The following PDE11A variants were observed in gnomAD, a reference collection of about 807,000 sequenced individuals.
PDE11A encodes the protein phosphodiesterase 11A.
Under a neutral mutation model 100.5 loss-of-function variants are expected in PDE11A, and 100 were observed. That is an observed-to-expected ratio of 1.00 (90% CI 0.85 to 1.18). The LOEUF is 1.18. PDE11A is among the 50% of genes most tolerant of loss of function. The pLI is 0.00. For synonymous variants in PDE11A, 381 were observed against 420.8 expected (o/e 0.91, Z 1.16); for missense variants, 1,141 against 1,152.6 (o/e 0.99, Z 0.15).
At position 177,913,022 on chromosome 2, in the gene PDE11A, C is replaced by T. The variant is rs192948077; in HGVS notation, c.1072-7835G>A. On this transcript the variant is annotated intron_variant, in intron 2 of 19. Coordinates refer to ENST00000286063, the MANE Select transcript of PDE11A (RefSeq NM_016953.4). The stretch of plus-strand genomic sequence containing the variant: ...ATCTTATTGGTAGTGGGTTCTAAAA[C>T]GGATTTATGGTGATGGTTGTACCTC... Among the ~76,000 whole-genome samples, 33 of 152,174 alleles carry T rather than the reference C, an allele frequency of 2.2e-4. No homozygotes were observed. The East Asian group carries it at 4.6e-3, about 21-fold the overall frequency.
At chr2:178,074,537 A>T (rs1054239424), upstream of PDE11A, among the ~76,000 whole-genome samples, 1 of 152,128 alleles carries the variant, frequency 6.6e-6, no homozygotes, top group South Asian at 2.1e-4. Flanking sequence ...AAGTAGACCA[A>T]CCCTGGGCTT....
intron 4 of PDE11A, among the ~76,000 whole-genome samples, chr2:177,896,602 T>C (rs368691522): frequency 9.9e-5 from 15 of 152,270 alleles, no homozygotes; most frequent in African/African-American, 3.6e-4. Context: ...GGCCCTGAAA[T>C]CTGCCAGGTA....
intron 19 of PDE11A, among the ~76,000 whole-genome samples, chr2:177,638,137 C>T (rs1004109366): frequency 2.6e-5 from 4 of 151,108 alleles, no homozygotes; most frequent in African/African-American, 9.7e-5. Context: ...GTAGCTGGAA[C>T]TACAGGTGCC....
At chr2:177,888,374 T>C (rs543667936) in intron 4 of PDE11A, among the ~76,000 whole-genome samples, 1 of 152,240 alleles carries the variant, frequency 6.6e-6, no homozygotes, top group Admixed American at 6.5e-5. Flanking sequence ...GAAGTGCCAC[T>C]ACAAAGTGGA....
chr2:177,742,338 T>G (rs1466063754), intron 10 of PDE11A, among the ~76,000 whole-genome samples: 1 of 152,164 alleles, frequency 6.6e-6, no homozygotes, highest in Non-Finnish European at 1.5e-5. Flanking sequence ...CCCATCTAGC[T>G]CTACGGAACC....
In PDE11A at chr2:177,776,969, TG is replaced by T. The variant is rs201839637; in HGVS notation, c.1738-7597del. ...CATGATAGTGAGTCCTCATGAGATC[TG>T]ATGGTTTTATAAGTGGCTTTTCCCC... On this transcript the variant is annotated intron_variant, in intron 9 of 19. Transcript: ENST00000286063. Among the ~76,000 whole-genome samples, 1,319 of 152,286 alleles carry T rather than the reference TG, an allele frequency of 8.7e-3. 16 individuals carry two copies. The highest frequency in any genetic ancestry group is 0.03 in the African/African-American group (1,238 of 41,554).
chr2:177,698,764 A>G (rs1479537681), intron 14 of PDE11A, among the ~76,000 whole-genome samples: 1 of 152,172 alleles, frequency 6.6e-6, no homozygotes, highest in African/African-American at 2.4e-5. Flanking sequence ...AGCTCTTCAG[A>G]CCCTTAATTC....
At chr2:177,887,195 G>GCAAA (rs372998999) in intron 4 of PDE11A, among the ~76,000 whole-genome samples, 6 of 152,224 alleles carry the variant, frequency 3.9e-5, no homozygotes, top group African/African-American at 1.4e-4. Context: ...AATGGCATAA[G>GCAAA]CAAACAAAAA....
chr2:177,660,979 G>A (rs1251591468), intron 19 of PDE11A, among the ~76,000 whole-genome samples: 1 of 152,120 alleles, frequency 6.6e-6, no homozygotes, highest in Non-Finnish European at 1.5e-5. Context: ...AGAGCCTCCA[G>A]CCGTGGGGTG....
intron 13 of PDE11A, among the ~76,000 whole-genome samples, chr2:177,710,433 G>A (rs1282866136): frequency 6.6e-6 from 1 of 152,192 alleles, no homozygotes; most frequent in East Asian, 1.9e-4. Flanking sequence ...AAGAGCAATG[G>A]GGAATGGGGC....
At chr2:177,979,131 C>G (rs933346174) in intron 2 of PDE11A, among the ~76,000 whole-genome samples, 2 of 147,996 alleles carry the variant, frequency 1.4e-5, no homozygotes, top group Admixed American at 6.7e-5. Context: ...TCCTTTTTAT[C>G]TTTAAAAGCT....
intron 19 of PDE11A, among the ~76,000 whole-genome samples, chr2:177,661,790 T>G (rs2080488485): frequency 6.6e-6 from 1 of 152,210 alleles, no homozygotes; most frequent in African/African-American, 2.4e-5. Context: ...TCCTTCCATA[T>G]TCCCTTTCAG....
At chr2:177,991,757 ATTC>A (rs2086008021) in intron 2 of PDE11A, among the ~76,000 whole-genome samples, 1 of 149,788 alleles carries the variant, frequency 6.7e-6, no homozygotes, top group African/African-American at 2.5e-5. Flanking sequence ...TCAGGATAGA[ATTC>A]TTCTAGATTT....
intron 7 of PDE11A, 129 bp downstream of exon 7, chr2:177,820,091 G>A (rs2083113021): frequency 1.6e-6 from 1 of 634,500 alleles, no homozygotes; most frequent in East Asian, 2.7e-5. Flanking sequence ...AATTATACGA[G>A]AGTGTGAGAC....
intron 5 of PDE11A, among the ~76,000 whole-genome samples, chr2:177,867,002 C>T (rs950714185): frequency 3.3e-5 from 5 of 152,144 alleles, no homozygotes; most frequent in Non-Finnish European, 5.9e-5. Flanking sequence ...TTTTGTTTTT[C>T]TTTCCTTAAA....
chr2:177,808,336 T>A lies in PDE11A; in HGVS notation c.1737+8493A>T, dbSNP rs532024516. Among the ~76,000 whole-genome samples, 211 of 152,306 alleles carry A rather than the reference T, an allele frequency of 1.4e-3. 1 individual carries two copies. The highest frequency in any genetic ancestry group is 4.8e-3 in the African/African-American group (201 of 41,578). ...AGATAGTTATCATTTGGACAATCACTAGATCATTGTCTGACAGTAACTTGG... is the reference window on the plus strand; with the variant it reads ...AGATAGTTATCATTTGGACAATCACAAGATCATTGTCTGACAGTAACTTGG... On this transcript the variant is annotated intron_variant, in intron 9 of 19. Transcript: ENST00000286063.
intron 9 of PDE11A, among the ~76,000 whole-genome samples, chr2:177,790,095 A>G (rs2082607004): frequency 6.6e-6 from 1 of 151,994 alleles, no homozygotes; most frequent in East Asian, 1.9e-4. Context: ...GTCCTAAGCC[A>G]AAAGAACAAA....
At chr2:177,735,554 C>T (rs2081767039) in intron 10 of PDE11A, among the ~76,000 whole-genome samples, 3 of 152,228 alleles carry the variant, frequency 2.0e-5, no homozygotes, top group Non-Finnish European at 2.9e-5. Context: ...GGAAACATGG[C>T]GGAGAACAGC....
intron 19 of PDE11A, among the ~76,000 whole-genome samples, chr2:177,662,048 C>T (rs893347877): frequency 1.3e-5 from 2 of 152,012 alleles, no homozygotes; most frequent in African/African-American, 2.4e-5. Flanking sequence ...AAAATCAGGA[C>T]GATATATAAT....
Sources: gnomAD v4.1 joint callset for allele counts (sites outside exome capture counted in the v4.1 genomes callset) on GRCh38, gnomAD v4.1.1 for gene constraint, MANE v1.5 for transcripts, NCBI Gene and HGNC (gene_info 2026-07-23, HGNC 2026-07-21) for gene names.